Variants in CDH7 observed in about 807,000 individuals in gnomAD.
CDH7 encodes the protein cadherin 7, also known as cadherin-7.
In CDH7, 25 loss-of-function variants were observed where a neutral mutation model predicts 71.8. The observed-to-expected ratio is 0.35, with a 90% CI of 0.25 to 0.49. The LOEUF is 0.49. Among genes scored for constraint, CDH7 ranks in the 20% least tolerant of loss-of-function variants. The pLI, the probability that CDH7 is intolerant of heterozygous loss-of-function variation, is 0.99. For missense variants in CDH7, 862 were observed against 974.6 expected, an observed-to-expected ratio of 0.88 and a Z score of 1.54; for synonymous variants, 381 against 363.8, an observed-to-expected ratio of 1.05 and a Z score of -0.54.
intron 7 of CDH7, among the ~76,000 whole-genome samples, chr18:65,853,202 G>A (rs1023529168): frequency 6.6e-6 from 1 of 152,138 alleles, no homozygotes; most frequent in Non-Finnish European, 1.5e-5. Context: ...TTCACACACC[G>A]CTAATGGCAT....
intron 7 of CDH7, among the ~76,000 whole-genome samples, chr18:65,849,167 CA>C (rs1336457932): frequency 6.6e-6 from 1 of 151,922 alleles, no homozygotes; most frequent in East Asian, 1.9e-4. Context: ...TACTCTATTT[CA>C]AAATGCTGCT....
At position 65,843,964 on chromosome 18, in the gene CDH7, T is replaced by A; in HGVS notation, c.1134T>A (p.Ser378=). 6.2e-7 allele frequency: 1 copy of A among 1,612,436 alleles called. No individual in the cohort carries two copies. Among genetic ancestry groups the A allele is most frequent in the South Asian group, 1.1e-5 (1 of 91,008 alleles). ...VEDVDEPPVF[S]SPLYPMEVSE... ...ATGTAGATGAGCCCCCTGTGTTCTC[T>A]TCACCCTTGTACCCTATGGAGGTGT... Residue 378 remains serine, a synonymous_variant, in exon 7 of 12, where the codon TCT becomes TCA. Coordinates refer to ENST00000397968, the MANE Select transcript of CDH7 (RefSeq NM_004361.5).
chr18:65,845,081 A>G (rs888979239), intron 7 of CDH7, among the ~76,000 whole-genome samples: 1 of 151,130 alleles, frequency 6.6e-6, no homozygotes. Context: ...CTTAATATTT[A>G]TTGATTTTAA....
At chr18:65,855,765 T>C (rs1032769428) in intron 7 of CDH7, among the ~76,000 whole-genome samples, 10 of 152,128 alleles carry the variant, frequency 6.6e-5, no homozygotes, top group Admixed American at 6.5e-4. Flanking sequence ...TTATTCTTAC[T>C]ACCAAAACCA....
At chr18:65,800,090 A>AT (rs983036621) in intron 2 of CDH7, among the ~76,000 whole-genome samples, 3 of 151,900 alleles carry the variant, frequency 2.0e-5, no homozygotes, top group South Asian at 2.1e-4. Flanking sequence ...TTTACTTTTT[A>AT]TTTTTTTGAG....
intron 4 of CDH7, 52 bp from the exon 5 acceptor site, chr18:65,822,029 G>A: frequency 7.3e-7 from 1 of 1,375,274 alleles, no homozygotes; most frequent in South Asian, 1.2e-5. Flanking sequence ...TTCTTTGTTA[G>A]TATAAATGCA....
At chr18:65,857,338 A>G (rs1913398451) in intron 7 of CDH7, among the ~76,000 whole-genome samples, 1 of 145,064 alleles carries the variant, frequency 6.9e-6, no homozygotes. Flanking sequence ...TAATAATAAT[A>G]ATAATAATAA....
In CDH7 at chr18:65,887,941, T is replaced by C. The variant is rs1449166508; in HGVS notation, c.*7047T>C. 1 of 152,168 alleles carries C rather than the reference T, an allele frequency of 6.6e-6. No homozygotes were observed. The highest frequency in any genetic ancestry group is 1.5e-5 in the Non-Finnish European group (1 of 68,028). The allele number at this position is 152,168 out of a possible 1,614,324, so 9.4% of individuals were successfully genotyped here. ...AATTACATTAAAAAGAAAACCACTT[T>C]TATAATATTTTTGCTTATGTAAGAG... On this transcript the variant is annotated 3_prime_UTR_variant, in exon 12 of 12. Coordinates refer to ENST00000397968, the MANE Select transcript of CDH7 (RefSeq NM_004361.5).
chr18:65,874,704 T>G (rs766034533), intron 11 of CDH7, among the ~76,000 whole-genome samples: 3 of 151,700 alleles, frequency 2.0e-5, no homozygotes, highest in Non-Finnish European at 4.4e-5. Flanking sequence ...ATATTTTATA[T>G]GTATATACTT....
intron 1 of CDH7, among the ~76,000 whole-genome samples, chr18:65,758,473 C>T (rs535183281): frequency 1.5e-4 from 23 of 152,274 alleles, no homozygotes; most frequent in African/African-American, 4.8e-4. Context: ...CTGGGGAACA[C>T]GTGAAACATC....
chr18:65,803,874 A>AC lies in CDH7; in HGVS notation c.211-5829dup, dbSNP rs1477943743. ...ATCAGTGGTTAAAAAAAAAAAAAGA[A>AC]CACACACACTTTTTACTTTGCCATC... On this transcript the variant is annotated intron_variant, in intron 2 of 11. Coordinates refer to ENST00000397968, the MANE Select transcript of CDH7 (RefSeq NM_004361.5). The AC allele has an allele frequency of 5.3e-5, 8 of 150,554 alleles. No individual in the cohort carries two copies. In the East Asian group the frequency reaches 9.8e-4, roughly 18 times the overall value. The allele number at this position is 150,554 out of a possible 1,614,324, so 9.3% of individuals were successfully genotyped here. A position where few individuals can be genotyped will look rare whatever the true frequency, so the allele number is the denominator to read the frequency against.
intron 1 of CDH7, among the ~76,000 whole-genome samples, chr18:65,761,699 G>T (rs1916197321): frequency 6.6e-6 from 1 of 152,070 alleles, no homozygotes; most frequent in African/African-American, 2.4e-5. Context: ...TGTTTTAGGG[G>T]TATGTTCGAA....
At chr18:65,753,030 G>A (rs1455895327) in intron 1 of CDH7, among the ~76,000 whole-genome samples, 2 of 152,096 alleles carry the variant, frequency 1.3e-5, no homozygotes, top group Admixed American at 6.6e-5. Flanking sequence ...TAATTGTAAA[G>A]CATCTATATT....
chr18:65,829,122 T>TGTTTTGTTTTTGTTTTC (rs1287886579), intron 6 of CDH7, among the ~76,000 whole-genome samples: 3 of 151,908 alleles, frequency 2.0e-5, no homozygotes, highest in African/African-American at 7.3e-5. Flanking sequence ...ATTTTTGTTT[T>TGTTTTGTTTTTGTTTTC]GTTTTGTTTT....
chr18:65,846,775 C>T (rs1912948733), intron 7 of CDH7, among the ~76,000 whole-genome samples: 1 of 152,064 alleles, frequency 6.6e-6, no homozygotes, highest in Admixed American at 6.6e-5. Flanking sequence ...TTGTATTAGC[C>T]AGCAAAAAGG....
At chr18:65,793,141 T>C (rs1910773739) in intron 2 of CDH7, among the ~76,000 whole-genome samples, 1 of 152,028 alleles carries the variant, frequency 6.6e-6, no homozygotes, top group Non-Finnish European at 1.5e-5. Flanking sequence ...TCTAAATAAA[T>C]CTAAAAAACA....
At chr18:65,861,145 T>A (rs527340393) in intron 10 of CDH7, among the ~76,000 whole-genome samples, 10 of 152,284 alleles carry the variant, frequency 6.6e-5, no homozygotes, top group Admixed American at 4.6e-4. Context: ...ACATCCACAT[T>A]GCCACACAAT....
intron 6 of CDH7, among the ~76,000 whole-genome samples, chr18:65,838,583 A>G (rs1417086675): frequency 1.3e-5 from 2 of 152,220 alleles, no homozygotes; most frequent in African/African-American, 4.8e-5. Context: ...ACTTGGATCA[A>G]TTCCTGAAAC....
At chr18:65,824,898 T>C (rs1054805763) in intron 6 of CDH7, 67 bp downstream of exon 6, 29 of 1,083,160 alleles carry the variant, frequency 2.7e-5, no homozygotes, top group South Asian at 3.5e-5. Context: ...GATGGGAGAA[T>C]GTACTAGACA....
Sources: gnomAD v4.1 joint callset for allele counts (sites outside exome capture counted in the v4.1 genomes callset) on GRCh38, gnomAD v4.1.1 for gene constraint, MANE v1.5 for transcripts, NCBI Gene and HGNC (gene_info 2026-07-23, HGNC 2026-07-21) for gene names.